Variants in HMCN1 observed in about 807,000 individuals in gnomAD.
The protein encoded by HMCN1 is hemicentin-1.
A neutral mutation model predicts 625.9 loss-of-function variants in HMCN1; 321 were observed. The ratio of observed to expected loss-of-function variants is 0.51; its 90% confidence interval spans 0.47 to 0.56. The LOEUF (loss-of-function observed/expected upper bound fraction) is 0.56. HMCN1 is among the 20% of genes least tolerant of loss of function. The probability of loss-of-function intolerance (pLI) is 0.00; values close to 1 mark genes in which losing one functional copy is unlikely to be tolerated. For missense variants in HMCN1, 6,588 were observed against 6,887.3 expected, an observed-to-expected ratio of 0.96 and a Z score of 1.54; for synonymous variants, 2,425 against 2,417.6, an observed-to-expected ratio of 1.00 and a Z score of -0.09.
intron 48 of HMCN1, among the ~76,000 whole-genome samples, chr1:186,063,101 T>TATATATGC (rs1657858300): frequency 7.3e-6 from 1 of 136,494 alleles, no homozygotes; most frequent in Non-Finnish European, 1.6e-5. Flanking sequence ...TATATATATA[T>TATATATGC]ATCACATTTT....
chr1:185,968,574 TAAAC>T (rs1309317929), intron 14 of HMCN1, among the ~76,000 whole-genome samples: 2 of 151,888 alleles, frequency 1.3e-5, no homozygotes, highest in East Asian at 3.9e-4. Flanking sequence ...AAGAAGTTTT[TAAAC>T]AAACATTTTT....
intron 24 of HMCN1, among the ~76,000 whole-genome samples, chr1:185,995,535 C>T (rs957029660): frequency 6.6e-6 from 1 of 152,108 alleles, no homozygotes; most frequent in Non-Finnish European, 1.5e-5. Context: ...GCAACAAATA[C>T]TGATCGAGCT....
At chr1:186,187,589 C>T (rs941662176) in intron 105 of HMCN1, among the ~76,000 whole-genome samples, 1 of 152,038 alleles carries the variant, frequency 6.6e-6, no homozygotes, top group African/African-American at 2.4e-5. Flanking sequence ...CAAGGTATTC[C>T]CCAAATATAA....
chr1:185,956,469 A>G (rs906700903), intron 11 of HMCN1, among the ~76,000 whole-genome samples: 14 of 152,160 alleles, frequency 9.2e-5, no homozygotes, highest in Admixed American at 2.6e-4. Context: ...TTACTCATTT[A>G]TTATAAAGGA....
chr1:186,139,732 G>A (rs1236908617), intron 89 of HMCN1, among the ~76,000 whole-genome samples: 1 of 151,924 alleles, frequency 6.6e-6, no homozygotes, highest in Non-Finnish European at 1.5e-5. Context: ...TTCCCAATAA[G>A]AGCATGTATG....
chr1:186,095,552 A>T, intron 68 of HMCN1, 31 bp downstream of exon 68: 1 of 1,601,422 alleles, frequency 6.2e-7, no homozygotes, highest in Non-Finnish European at 8.5e-7. Flanking sequence ...ATGTAGAATA[A>T]TTGGAAAGTA....
chr1:185,867,355 C>G (rs1487714465), intron 4 of HMCN1, among the ~76,000 whole-genome samples: 1 of 152,104 alleles, frequency 6.6e-6, no homozygotes, highest in Non-Finnish European at 1.5e-5. Flanking sequence ...GATTGGGGAA[C>G]AGTGCAGGAG....
intron 1 of HMCN1, among the ~76,000 whole-genome samples, chr1:185,768,408 G>C (rs1372491413): frequency 6.6e-6 from 1 of 152,180 alleles, no homozygotes; most frequent in Admixed American, 6.5e-5. Flanking sequence ...AAAACAGGTG[G>C]GAGAAGTTGG....
intron 93 of HMCN1, among the ~76,000 whole-genome samples, chr1:186,150,318 C>G (rs554787810): frequency 1.8e-4 from 28 of 152,278 alleles, no homozygotes; most frequent in Non-Finnish European, 3.7e-4. Context: ...CTTGTCAAAG[C>G]ATGAAATTCA....
At position 186,152,787 on chromosome 1, in the gene HMCN1, G is replaced by A. The variant is rs755165116; in HGVS notation, c.14934G>A (p.Leu4978=). The change falls in exon 96 of 107, where the codon TTG becomes TTA. Residue 4978 remains leucine (L), a synonymous_variant. Transcript: ENST00000271588. ...ILQMSHIARG[L]DSDGSLLLDI... ...AGATGAGTCATATTGCCCGGGGCTT[G>A]GATTCCGATGGTTCTTTGCTGCTAG... 5 of 1,613,894 alleles carry A rather than the reference G, an allele frequency of 3.1e-6. No individual in the cohort carries two copies. The highest frequency in any genetic ancestry group is 4.2e-6 in the Non-Finnish European group (5 of 1,179,908).
At chr1:185,815,762 T>C (rs1659807848) in intron 1 of HMCN1, among the ~76,000 whole-genome samples, 1 of 150,266 alleles carries the variant, frequency 6.7e-6, no homozygotes, top group African/African-American at 2.5e-5. Flanking sequence ...AATACAAGTA[T>C]ACTAATTTAT....
intron 4 of HMCN1, 107 bp from the exon 5 acceptor site, chr1:185,909,230 C>T: frequency 1.2e-6 from 1 of 820,926 alleles, no homozygotes; most frequent in South Asian, 1.4e-5. Flanking sequence ...TCACACCAGT[C>T]CAGGATGTGC....
intron 41 of HMCN1, among the ~76,000 whole-genome samples, chr1:186,046,243 C>T (rs1346673090): frequency 2.0e-5 from 3 of 152,160 alleles, no homozygotes; most frequent in African/African-American, 2.4e-5. Flanking sequence ...CCAAGGTGGG[C>T]GGACCACTTG....
At chr1:186,107,094 T>C (rs1245205417) in intron 70 of HMCN1, 129 bp downstream of exon 70, 2 of 681,860 alleles carry the variant, frequency 2.9e-6, no homozygotes, top group East Asian at 5.5e-5. Flanking sequence ...ATCTGAATCT[T>C]TTTTTTTTTG....
chr1:185,899,456 A>G (rs1665681013), intron 4 of HMCN1, among the ~76,000 whole-genome samples: 1 of 152,130 alleles, frequency 6.6e-6, no homozygotes, highest in Non-Finnish European at 1.5e-5. Flanking sequence ...TGAAATTTGC[A>G]GTATTTGTCG....
chr1:185,757,592 AACAATTGTCATTATT>A (rs1274335145), intron 1 of HMCN1, among the ~76,000 whole-genome samples: 1 of 152,174 alleles, frequency 6.6e-6, no homozygotes, highest in Non-Finnish European at 1.5e-5. Context: ...TTTATTCAAA[AACAATTGTCATTATT>A]ACTCAAAGAC....
At position 186,140,977 on chromosome 1, in the gene HMCN1, A is replaced by G. The variant is rs144110646; in HGVS notation, c.13924+3005A>G. ...TGTGGATTTTATATATAATGAAATA[A>G]TTATATAACTCACCATAATGTAGAC... is the stretch of plus-strand genomic sequence containing the variant. On this transcript the variant is annotated intron_variant, in intron 89 of 106. Transcript: ENST00000271588. 1.1e-3 allele frequency among the ~76,000 whole-genome samples: 166 copies of G among 152,244 alleles called. 2 individuals are homozygous for G. The highest frequency in any genetic ancestry group is 5.8e-3 in the East Asian group (30 of 5,176).
intron 103 of HMCN1, among the ~76,000 whole-genome samples, chr1:186,176,057 A>G (rs1010870000): frequency 6.6e-6 from 1 of 152,190 alleles, no homozygotes. Context: ...CCACTGTGGT[A>G]ATGAATTAAA....
At chr1:186,070,446 AAC>A (rs1658406554) in intron 51 of HMCN1, among the ~76,000 whole-genome samples, 164 bp from the exon 52 acceptor site, 1 of 152,164 alleles carries the variant, frequency 6.6e-6, no homozygotes. Flanking sequence ...CTTGTATTTG[AAC>A]ACTCTTTCAT....
Sources: gnomAD v4.1 joint callset for allele counts (sites outside exome capture counted in the v4.1 genomes callset) on GRCh38, gnomAD v4.1.1 for gene constraint, MANE v1.5 for transcripts, NCBI Gene and HGNC (gene_info 2026-07-23, HGNC 2026-07-21) for gene names.